Variants in RGS6 observed in about 807,000 individuals in gnomAD.
RGS6 encodes regulator of G protein signaling 6, also known as regulator of G-protein signaling 6.
A neutral mutation model predicts 78.5 loss-of-function variants in RGS6; 30 were observed. The ratio of observed to expected loss-of-function variants is 0.38; its 90% CI spans 0.29 to 0.52. RGS6 has a LOEUF of 0.52. Ranked by LOEUF, RGS6 falls within the 20% of genes least tolerant of loss-of-function variation. The pLI, the probability that RGS6 is intolerant of heterozygous loss-of-function variation, is 0.85. For synonymous variants in RGS6, 206 were observed against 206.0 expected (o/e 1.00, Z 0.00); for missense variants, 495 against 609.7 (o/e 0.81, Z 1.98).
At chr14:72,163,108 C>T (rs2096875584) in intron 2 of RGS6, among the ~76,000 whole-genome samples, 1 of 152,106 alleles carries the variant, frequency 6.6e-6, no homozygotes, top group Admixed American at 6.5e-5. Context: ...GTATACTGCT[C>T]AGGTGATGGA....
chr14:72,410,533 A>T (rs1256749516), intron 3 of RGS6, among the ~76,000 whole-genome samples: 3 of 152,106 alleles, frequency 2.0e-5, no homozygotes, highest in African/African-American at 7.2e-5. Flanking sequence ...GTTCACTCTG[A>T]TGGTGGTTTC....
intron 2 of RGS6, among the ~76,000 whole-genome samples, chr14:72,130,190 T>G (rs891721433): frequency 6.6e-6 from 1 of 152,150 alleles, no homozygotes; most frequent in East Asian, 1.9e-4. Flanking sequence ...GCTGAGAATT[T>G]ATGTAGGGTG....
chr14:71,880,606 C>G, the RGS6 span, among the ~76,000 whole-genome samples: 1 of 152,224 alleles, frequency 6.6e-6, no homozygotes, highest in Non-Finnish European at 1.5e-5. Context: ...AGCCCCAAGC[C>G]TTGGCTGCTT....
chr14:72,283,839 G>A (rs1426308591), intron 2 of RGS6, among the ~76,000 whole-genome samples: 1 of 152,202 alleles, frequency 6.6e-6, no homozygotes, highest in Non-Finnish European at 1.5e-5. Context: ...ACAGGAAAAT[G>A]TGGGAAAGTT....
At chr14:72,504,921 A>ATTTTTTTTT (rs34953560) in intron 13 of RGS6, among the ~76,000 whole-genome samples, 44 of 76,078 alleles carry the variant, frequency 5.8e-4, no homozygotes, top group African/African-American at 6.7e-4. Flanking sequence ...CGCCCAGCTA[A>ATTTTTTTTT]TTTTTTTTTT....
At chr14:72,174,450 C>A (rs1385185243) in intron 2 of RGS6, among the ~76,000 whole-genome samples, 1 of 152,192 alleles carries the variant, frequency 6.6e-6, no homozygotes, top group Non-Finnish European at 1.5e-5. Flanking sequence ...CTCTGAGCCT[C>A]CCAGCCGCAA....
intron 1 of RGS6, among the ~76,000 whole-genome samples, chr14:71,937,190 C>T (rs2089599600): frequency 6.6e-6 from 1 of 152,186 alleles, no homozygotes; most frequent in South Asian, 2.1e-4. Context: ...AGCCTGTTGA[C>T]TGAAAGATAG....
At chr14:72,449,514 A>T (rs2095442835) in intron 3 of RGS6, among the ~76,000 whole-genome samples, 2 of 152,200 alleles carry the variant, frequency 1.3e-5, no homozygotes, top group South Asian at 4.1e-4. Flanking sequence ...AGGAGCTTAA[A>T]ACACCTGAAG....
intron 3 of RGS6, among the ~76,000 whole-genome samples, chr14:72,431,929 A>G (rs1179484975): frequency 1.3e-5 from 2 of 152,106 alleles, no homozygotes; most frequent in Non-Finnish European, 2.9e-5. Flanking sequence ...CTCATTTTGA[A>G]TCTGGGGGTG....
chr14:72,376,918 A>C (rs1406306389), intron 3 of RGS6, among the ~76,000 whole-genome samples: 1 of 152,180 alleles, frequency 6.6e-6, no homozygotes, highest in African/African-American at 2.4e-5. Flanking sequence ...GAGCCAATAC[A>C]CAAAGGAGAA....
chr14:72,091,162 C>T (rs892524063), intron 2 of RGS6, among the ~76,000 whole-genome samples: 1 of 152,082 alleles, frequency 6.6e-6, no homozygotes, highest in Admixed American at 6.5e-5. Flanking sequence ...AGTGCCCTTG[C>T]CATAGCTCCA....
chr14:72,599,275 G>T, the RGS6 span, among the ~76,000 whole-genome samples: 2 of 152,140 alleles, frequency 1.3e-5, no homozygotes, highest in African/African-American at 2.4e-5. Context: ...CCCGTTCATC[G>T]CATGGTGCCC....
At chr14:72,297,243 T>G (rs2065018519) in intron 2 of RGS6, among the ~76,000 whole-genome samples, 1 of 152,088 alleles carries the variant, frequency 6.6e-6, no homozygotes, top group African/African-American at 2.4e-5. Context: ...TCAAGAATGT[T>G]TGGGCTATTC....
intron 2 of RGS6, among the ~76,000 whole-genome samples, chr14:72,147,222 C>T (rs2096617693): frequency 6.6e-6 from 1 of 152,232 alleles, no homozygotes; most frequent in Admixed American, 6.5e-5. Context: ...CAAATTCTTC[C>T]AGCCTCTACC....
intron 2 of RGS6, among the ~76,000 whole-genome samples, chr14:72,086,573 T>C (rs1366431387): frequency 6.6e-6 from 1 of 152,240 alleles, no homozygotes; most frequent in East Asian, 1.9e-4. Context: ...CATTCTTCCC[T>C]GAGCCCTCTG....
At chr14:72,331,662 T>C (rs1362902170) in intron 2 of RGS6, among the ~76,000 whole-genome samples, 1 of 152,086 alleles carries the variant, frequency 6.6e-6, no homozygotes, top group Non-Finnish European at 1.5e-5. Context: ...TCTCTCCCCC[T>C]CTTTTTCTCT....
At chr14:72,355,156 TG>T (rs1430321176) in intron 3 of RGS6, among the ~76,000 whole-genome samples, 3 of 151,934 alleles carry the variant, frequency 2.0e-5, no homozygotes, top group African/African-American at 4.8e-5. Flanking sequence ...GTTTTAAGTA[TG>T]TAATTTCAAT....
intron 2 of RGS6, among the ~76,000 whole-genome samples, chr14:72,017,994 A>G (rs947458595): frequency 1.3e-5 from 2 of 152,102 alleles, no homozygotes; most frequent in African/African-American, 4.8e-5. Context: ...CTCATTGTTC[A>G]GCTCCCACTT....
chr14:71,974,393 C>CAT (rs538517956), intron 2 of RGS6, among the ~76,000 whole-genome samples: 11 of 152,234 alleles, frequency 7.2e-5, no homozygotes, highest in African/African-American at 2.2e-4. Context: ...TATGCAAAGA[C>CAT]ATATATATAG....
Sources: allele counts gnomAD v4.1 joint callset (sites outside exome capture counted in the v4.1 genomes callset), GRCh38; gene constraint gnomAD v4.1.1; transcripts MANE v1.5; gene names NCBI Gene and HGNC (gene_info 2026-07-23, HGNC 2026-07-21).